Variants in GRM6 observed in about 807,000 individuals in gnomAD.
GRM6 encodes metabotropic glutamate receptor 6.
GRM6 carries 73 observed loss-of-function variants against 78.4 expected under a neutral mutation model. That is an observed-to-expected ratio of 0.93 (90% CI 0.77 to 1.13). The LOEUF is 1.13. Ranked by LOEUF, GRM6 falls within the 50% of genes most tolerant of loss-of-function variation. GRM6 has a pLI of 0.00. For missense variants in GRM6, 1,251 were observed against 1,256.4 expected (o/e 1.00, Z 0.07); for synonymous variants, 580 against 555.0 (o/e 1.05, Z -0.63).
At chr5:178,989,489 T>C (rs1760635373) in intron 5 of GRM6, 84 bp from the exon 6 acceptor site, 3 of 1,571,652 alleles carry the variant, frequency 1.9e-6, no homozygotes, top group Admixed American at 1.7e-5. Context: ...TTGCTCACTT[T>C]CAGCTAGGAG....
At chr5:178,990,115 C>T (rs1760644859) in intron 5 of GRM6, 1 of 218,408 alleles carries the variant, frequency 4.6e-6, no homozygotes. Flanking sequence ...TGAAGGATGT[C>T]ATCAAGGTGT....
intron 10 of GRM6, among the ~76,000 whole-genome samples, chr5:178,982,488 G>A (rs1430976833): frequency 3.4e-5 from 5 of 145,052 alleles, no homozygotes; most frequent in African/African-American, 1.3e-4. Context: ...TGAGGCTGGA[G>A]AATCACTTGA....
Position 178,991,935 on chromosome 5 carries a change from G to A in GRM6, c.653C>T (p.Thr218Met), listed in dbSNP as rs189676130. The A allele has an allele frequency of 2.0e-5, 32 of 1,614,132 alleles. No homozygotes were observed. Among genetic ancestry groups the A allele is most frequent in the Non-Finnish European group, 2.7e-5 (32 of 1,180,032 alleles). The part of the protein sequence containing the change: ...VRALGWNYVS[T>M]LASEGNYGES... ...GCCATAGTTGCCCTCGGAGGCCAGC[G>A]TGGACACATAGTTCCATCCCAGTGC... Residue 218 changes from threonine to methionine, a missense_variant, in exon 3 of 11, where the codon ACG (threonine) becomes ATG (methionine). By Grantham distance (81) the Thr-to-Met change is moderately conservative. Coordinates refer to ENST00000517717, the MANE Select transcript of GRM6 (RefSeq NM_000843.4). The surrounding 1 kb of genome is among the most constrained non-coding windows in gnomAD (Gnocchi z 5.0).
Position 178,981,440 on chromosome 5 carries a change from C to T in GRM6, c.*217G>A. 1 of 558,746 alleles carries T rather than the reference C, an allele frequency of 1.8e-6. No individual in the cohort carries two copies. Among genetic ancestry groups the T allele is most frequent in the Non-Finnish European group, 3.2e-6 (1 of 312,710 alleles). 34.6% of individuals were successfully genotyped at this position (558,746 alleles called of 1,614,324 possible). A position where few individuals can be genotyped will look rare whatever the true frequency, so the allele number is the denominator to read the frequency against. On this transcript the variant is annotated 3_prime_UTR_variant, in exon 11 of 11. Transcript: ENST00000517717. This position sits in a 1 kb window ranked among gnomAD's most constrained non-coding sequence, Gnocchi z 5.1. ...CTGTTTCCCACCATGGGAAGCGAGT[C>T]TGGTCTGTGGTGAGGAAGCATGAAG...
In GRM6 at chr5:178,983,186, G is replaced by C; in HGVS notation, c.2160C>G (p.Pro720=). Residue 720 remains proline (P), a synonymous_variant, in exon 10 of 11, where the codon CCC becomes CCG. Coordinates refer to ENST00000517717, the MANE Select transcript of GRM6 (RefSeq NM_000843.4). Reference sequence around the variant, plus strand: ...CCTCATAGTCAATCACGCTGTGTGGGGGCCGGGCCCCCAGCCATGCTATCA... The same window carrying C: ...CCTCATAGTCAATCACGCTGTGTGGCGGCCGGGCCCCCAGCCATGCTATCA... ...VGMIAWLGAR[P]PHSVIDYEEQ... 1 of 1,613,272 alleles carries C rather than the reference G, an allele frequency of 6.2e-7. No homozygotes were observed. Among genetic ancestry groups the C allele is most frequent in the African/African-American group, 1.3e-5 (1 of 75,054 alleles).
chr5:178,985,579 T>C (rs1372249547), intron 9 of GRM6: 10 of 344,668 alleles, frequency 2.9e-5, no homozygotes, highest in Non-Finnish European at 5.1e-5. Flanking sequence ...GGCGGGCGCC[T>C]GTAGTCCCAG....
rs188594717 is a variant in GRM6, at chr5:178,984,416, C to T, written c.2125-1195G>A. On this transcript the variant is annotated intron_variant, in intron 9 of 10. Coordinates refer to ENST00000517717, the MANE Select transcript of GRM6 (RefSeq NM_000843.4). ...GGTGCTAAGTGCAGGCGAATTGAAG[C>T]CACAGTGAGATGCCATTTTGCAGCC... Among the ~76,000 whole-genome samples, 324 of 152,308 alleles carry T rather than the reference C, an allele frequency of 2.1e-3. 1 individual carries two copies. The highest frequency in any genetic ancestry group is 5.3e-3 in the Admixed American group (81 of 15,298).
In GRM6 at chr5:178,978,489, A is replaced by G. The variant is rs1760330030; in HGVS notation, c.*3168T>C. 1 of 152,256 alleles carries G rather than the reference A, an allele frequency of 6.6e-6. No individual in the cohort carries two copies. The highest frequency in any genetic ancestry group is 1.5e-5 in the Non-Finnish European group (1 of 68,040). 9.4% of individuals were successfully genotyped at this position (152,256 alleles called of 1,614,324 possible). ...CTATAATAAATGTGTCAGAAGATTC[A>G]CACAAGTGAGACAGCCTAAGAAAAT... On this transcript the variant is annotated 3_prime_UTR_variant, in exon 11 of 11. Transcript: ENST00000517717.
intron 2 of GRM6, among the ~76,000 whole-genome samples, chr5:178,994,219 CGCCCTCGCGGGGCG>C (rs1212544049): frequency 6.6e-6 from 1 of 152,222 alleles, no homozygotes; most frequent in African/African-American, 2.4e-5. Flanking sequence ...CGGGAAGGGG[CGCCCTCGCGGGGCG>C]GGGTAGACAT....
At chr5:178,982,690 GATAAAAA>G (rs763705869) in intron 10 of GRM6, 2 of 301,562 alleles carry the variant, frequency 6.6e-6, no homozygotes, top group South Asian at 3.4e-5. Context: ...AAATGAAAAT[GATAAAAA>G]AAAAAAAGAA....
rs1374056681 is a variant in GRM6, at chr5:178,994,681, G to T, written c.264C>A (p.Gly88=). ...RVNADPELLP[G]VRLGARLLDT... is the part of the protein sequence containing the mutation. ...CCAGCAGCCGCGCGCCCAGGCGCAC[G>T]CCGGGCAGCAGCTCGGGGTCGGCGT... Residue 88 remains glycine (G), a synonymous_variant, in exon 2 of 11, where the codon GGC becomes GGA. Transcript: ENST00000517717. The T allele has an allele frequency of 1.4e-6, 2 of 1,468,794 alleles. No individual in the cohort carries two copies. Among genetic ancestry groups the T allele is most frequent in the East Asian group, 3.0e-5 (1 of 33,480 alleles). 91.0% of individuals were successfully genotyped at this position (1,468,794 alleles called of 1,614,324 possible). A position where few individuals can be genotyped will look rare whatever the true frequency, so the allele number is the denominator to read the frequency against.
chr5:178,978,741 C>T lies in GRM6; in HGVS notation c.*2916G>A, dbSNP rs1379179736. 6.6e-6 allele frequency: 1 copy of T among 152,160 alleles called. No homozygotes were observed. The highest frequency in any genetic ancestry group is 1.9e-4 in the East Asian group (1 of 5,194). The allele number at this position is 152,160 out of a possible 1,614,324, so 9.4% of individuals were successfully genotyped here. On this transcript the variant is annotated 3_prime_UTR_variant, in exon 11 of 11. Coordinates refer to ENST00000517717, the MANE Select transcript of GRM6 (RefSeq NM_000843.4). Reference sequence around the variant, plus strand: ...ATAATTCATACAAATAATTCAAGGGCAACAAATGGGACAAAACCTTCGGTG... The same window carrying T: ...ATAATTCATACAAATAATTCAAGGGTAACAAATGGGACAAAACCTTCGGTG...
At chr5:178,989,724 C>A in intron 5 of GRM6, 46 of 444,978 alleles carry the variant, frequency 1.0e-4, no homozygotes, top group Admixed American at 3.1e-4. Flanking sequence ...AGACTTTTAT[C>A]CCTGCTCCTT....
chr5:178,989,389 G>A lies in GRM6; in HGVS notation c.1029C>T (p.Phe343=), dbSNP rs1174492280. ...RASIDGFDQY[F]MTRSLENNRR... is the part of the protein sequence containing the mutation. ...GGTTGTTCTCCAGGGATCGAGTCATGAAGTACTGGTCAAATCCTACAGACA... is the reference window on the plus strand; with the variant it reads ...GGTTGTTCTCCAGGGATCGAGTCATAAAGTACTGGTCAAATCCTACAGACA... The change falls in exon 6 of 11, where the codon TTC becomes TTT. Residue 343 remains phenylalanine (F), a synonymous_variant. Coordinates refer to ENST00000517717, the MANE Select transcript of GRM6 (RefSeq NM_000843.4). 1.2e-6 allele frequency: 2 copies of A among 1,614,116 alleles called. No homozygotes were observed. Among genetic ancestry groups the A allele is most frequent in the East Asian group, 2.2e-5 (1 of 44,882 alleles).
chr5:178,987,878 G>A (rs1449522724), intron 7 of GRM6, among the ~76,000 whole-genome samples: 1 of 149,370 alleles, frequency 6.7e-6, no homozygotes, highest in African/African-American at 2.5e-5. Context: ...TCCTGTCTCA[G>A]ACTCCCGAGT....
Position 178,994,625 on chromosome 5 carries a change from T to C in GRM6, c.320A>G (p.Glu107Gly). 1 of 1,451,746 alleles carries C rather than the reference T, an allele frequency of 6.9e-7. No individual in the cohort carries two copies. The highest frequency in any genetic ancestry group is 9.1e-7 in the Non-Finnish European group (1 of 1,104,196). The allele number at this position is 1,451,746 out of a possible 1,614,324, so 89.9% of individuals were successfully genotyped here. ...DTCSRDTYAL[E>G]QALSFVQALI... ...CGCCTGCACGAAGCTCAGCGCCTGC[T>C]CCAGCGCGTAGGTGTCCCGCGAGCA... is the stretch of plus-strand genomic sequence containing the variant. Residue 107 changes from glutamate to glycine, a missense_variant, in exon 2 of 11, where the codon GAG becomes GGG. Glu to Gly is a moderately conservative substitution (Grantham distance 98). Transcript: ENST00000517717.
chr5:178,987,056 A>G, intron 7 of GRM6, 73 bp from the exon 8 acceptor site: 2 of 1,481,212 alleles, frequency 1.4e-6, no homozygotes, highest in South Asian at 2.3e-5. Context: ...GGCCCCAGGG[A>G]CCAGCAGGAG....
chr5:178,984,635 CG>C (rs1187512442), intron 9 of GRM6, among the ~76,000 whole-genome samples: 1 of 152,042 alleles, frequency 6.6e-6, no homozygotes, highest in Non-Finnish European at 1.5e-5. Flanking sequence ...CACCTCAGGC[CG>C]GGACGTAGAG....
At chr5:178,982,688 ATG>A in intron 10 of GRM6, 1 of 402,014 alleles carries the variant, frequency 2.5e-6, no homozygotes, top group Non-Finnish European at 4.1e-6. Flanking sequence ...AGAAATGAAA[ATG>A]ATAAAAAAAA....
Sources: gnomAD v4.1 joint callset for allele counts (sites outside exome capture counted in the v4.1 genomes callset) on GRCh38, gnomAD v4.1.1 for gene constraint, Gnocchi (gnomAD v3.1) non-coding constraint, MANE v1.5 for transcripts, NCBI Gene and HGNC (gene_info 2026-07-23, HGNC 2026-07-21) for gene names.